Variants in LRRC4C observed in about 807,000 individuals in gnomAD.
LRRC4C encodes leucine-rich repeat-containing protein 4C.
Under a neutral mutation model 33.6 loss-of-function variants are expected in LRRC4C, and 5 were observed. The ratio of observed to expected loss-of-function variants is 0.15; its 90% confidence interval spans 0.08 to 0.31. The LOEUF is 0.31. Among genes scored for constraint, LRRC4C ranks in the 10% least tolerant of loss-of-function variants. The pLI is 1.00. For synonymous variants in LRRC4C, 329 were observed against 302.0 expected (o/e 1.09, Z -0.93); for missense variants, 560 against 796.7 (o/e 0.70, Z 3.58).
chr11:40,701,446 GA>G (rs1469290113), intron 2 of LRRC4C, among the ~76,000 whole-genome samples: 3 of 150,838 alleles, frequency 2.0e-5, no homozygotes, highest in East Asian at 1.9e-4. Flanking sequence ...AGTGAAGGTG[GA>G]AAAAAAATAA....
chr11:40,501,343 C>T (rs1054279242), intron 3 of LRRC4C, among the ~76,000 whole-genome samples: 10 of 152,180 alleles, frequency 6.6e-5, no homozygotes, highest in Admixed American at 5.9e-4. Flanking sequence ...CTAGGCAGCA[C>T]CCCAGTGGGG....
intron 1 of LRRC4C, among the ~76,000 whole-genome samples, chr11:41,005,993 C>T (rs1302142005): frequency 1.3e-5 from 2 of 152,094 alleles, no homozygotes; most frequent in Non-Finnish European, 2.9e-5. Flanking sequence ...TCTCTTCCTT[C>T]CTTCCTTCTC....
intron 2 of LRRC4C, among the ~76,000 whole-genome samples, chr11:40,665,323 AAAATATATATATATATATATATATATAT>A (rs1357210447): frequency 9.1e-5 from 1 of 10,938 alleles, no homozygotes; most frequent in East Asian, 4.3e-3. Flanking sequence ...AAAAAAAAAA[AAAATATATATATATATATATATATATAT>A]ATATATATAT....
intron 1 of LRRC4C, among the ~76,000 whole-genome samples, chr11:41,146,572 C>T (rs1943736158): frequency 6.6e-6 from 1 of 152,186 alleles, no homozygotes; most frequent in African/African-American, 2.4e-5. Flanking sequence ...ATTCCCTCAG[C>T]TCATTCACTT....
chr11:40,694,412 A>C (rs1315557841), intron 2 of LRRC4C, among the ~76,000 whole-genome samples: 1 of 152,132 alleles, frequency 6.6e-6, no homozygotes, highest in Non-Finnish European at 1.5e-5. Context: ...TCTTTTATTG[A>C]GTTTTATAAA....
intron 1 of LRRC4C, among the ~76,000 whole-genome samples, chr11:41,080,342 C>CT (rs71060997): frequency 0.73 from 75,668 of 104,178 alleles, 28,942 homozygotes; most frequent in East Asian, 0.89. Flanking sequence ...GAGTCTCCTC[C>CT]TTTTTTTTTT....
intron 1 of LRRC4C, chr11:41,426,494 A>G (rs1360526960): frequency 1.3e-5 from 2 of 152,168 alleles, no homozygotes; most frequent in Non-Finnish European, 2.9e-5. Context: ...AGCAATGTAT[A>G]GCTTGTGCTC....
intron 2 of LRRC4C, among the ~76,000 whole-genome samples, chr11:40,689,263 G>A (rs1565637780): frequency 6.6e-6 from 1 of 152,020 alleles, no homozygotes; most frequent in Non-Finnish European, 1.5e-5. Context: ...GGCTTAGAGA[G>A]GCTCAGCAGG....
chr11:40,189,383 C>T (rs1021394700), intron 5 of LRRC4C, among the ~76,000 whole-genome samples: 1 of 152,072 alleles, frequency 6.6e-6, no homozygotes. Context: ...TTTGGCCTTA[C>T]ATAGATTCCC....
chr11:40,451,506 C>T (rs561681009), intron 3 of LRRC4C, among the ~76,000 whole-genome samples: 2 of 149,748 alleles, frequency 1.3e-5, no homozygotes, highest in East Asian at 4.0e-4. Context: ...CTGCCTCAGC[C>T]TCCTGAGTAG....
intron 1 of LRRC4C, among the ~76,000 whole-genome samples, chr11:41,441,064 T>C (rs561959124): frequency 1.3e-5 from 2 of 152,272 alleles, no homozygotes; most frequent in African/African-American, 4.8e-5. Context: ...CAACACTCTC[T>C]TTCTTCTGTT....
At chr11:40,164,181 A>G (rs1006599805) in intron 5 of LRRC4C, among the ~76,000 whole-genome samples, 53 of 152,226 alleles carry the variant, frequency 3.5e-4, no homozygotes, top group Non-Finnish European at 1.5e-4. Flanking sequence ...AATTCTGCCA[A>G]TAATTACTTA....
At chr11:40,948,763 A>G (rs1331111448) in intron 1 of LRRC4C, among the ~76,000 whole-genome samples, 18 of 148,716 alleles carry the variant, frequency 1.2e-4, no homozygotes, top group African/African-American at 3.7e-4. Flanking sequence ...AATCCAGTCT[A>G]TCATTGTTGG....
chr11:41,434,263 C>A (rs771898852), intron 1 of LRRC4C, among the ~76,000 whole-genome samples: 1 of 152,110 alleles, frequency 6.6e-6, no homozygotes, highest in Non-Finnish European at 1.5e-5. Context: ...CCTGCAAAGT[C>A]CTCATACTTG....
intron 6 of LRRC4C, among the ~76,000 whole-genome samples, chr11:40,128,361 C>A (rs1856410775): frequency 6.6e-6 from 1 of 152,092 alleles, no homozygotes; most frequent in Admixed American, 6.6e-5. Context: ...TCTGATTCAA[C>A]CTTAAAACAT....
intron 3 of LRRC4C, among the ~76,000 whole-genome samples, chr11:40,458,379 C>A (rs1952234212): frequency 6.6e-6 from 1 of 152,118 alleles, no homozygotes; most frequent in East Asian, 1.9e-4. Context: ...ATATTTAAGA[C>A]AATCTAACTG....
intron 4 of LRRC4C, among the ~76,000 whole-genome samples, chr11:40,306,211 T>C (rs1168782857): frequency 6.6e-6 from 1 of 152,228 alleles, no homozygotes; most frequent in African/African-American, 2.4e-5. Context: ...TTATCTTTCC[T>C]ATAAAGATTT....
intron 5 of LRRC4C, among the ~76,000 whole-genome samples, chr11:40,192,930 T>G (rs934698630): frequency 6.6e-6 from 1 of 152,184 alleles, no homozygotes; most frequent in African/African-American, 2.4e-5. Flanking sequence ...AGGGAATCTC[T>G]GAAAGAAAGG....
chr11:40,587,709 C>A (rs1376758476), intron 3 of LRRC4C, among the ~76,000 whole-genome samples: 1 of 151,010 alleles, frequency 6.6e-6, no homozygotes, highest in South Asian at 2.1e-4. Context: ...TTGTCAAAGG[C>A]CTTTTCTGCA....
Sources: gnomAD v4.1 joint callset for allele counts (sites outside exome capture counted in the v4.1 genomes callset) on GRCh38, gnomAD v4.1.1 for gene constraint, MANE v1.5 for transcripts, NCBI Gene and HGNC (gene_info 2026-07-23, HGNC 2026-07-21) for gene names.